VIPR2: variants seen among roughly 807,000 people sequenced by gnomAD.
The protein encoded by VIPR2 is vasoactive intestinal polypeptide receptor 2.
A neutral mutation model predicts 58.0 loss-of-function variants in VIPR2; 48 were observed. The ratio of observed to expected loss-of-function variants is 0.83; its 90% confidence interval spans 0.66 to 1.05. The LOEUF is 1.05. Ranked by LOEUF, VIPR2 falls within the 50% of genes least tolerant of loss-of-function variation. VIPR2 has a pLI of 0.00. For synonymous variants in VIPR2, 243 were observed against 235.2 expected, an observed-to-expected ratio of 1.03 and a Z score of -0.30; for missense variants, 534 against 558.0, an observed-to-expected ratio of 0.96 and a Z score of 0.43.
intron 10 of VIPR2, 114 bp downstream of exon 10, chr7:159,034,099 G>A: frequency 1.0e-6 from 1 of 977,774 alleles, no homozygotes; most frequent in Non-Finnish European, 1.6e-6. Context: ...CTCGAGGTGT[G>A]ACAGTGGCGG....
At chr7:159,055,603 C>T (rs774474918) in intron 5 of VIPR2, among the ~76,000 whole-genome samples, 1 of 152,042 alleles carries the variant, frequency 6.6e-6, no homozygotes, top group Non-Finnish European at 1.5e-5. Context: ...AGGCAAATGT[C>T]CCCCACCGGT....
At chr7:159,035,839 C>A in intron 8 of VIPR2, 113 bp downstream of exon 8, 1 of 1,462,558 alleles carries the variant, frequency 6.8e-7, no homozygotes, top group South Asian at 1.5e-5. Context: ...TGTCGGTTGG[C>A]CGCAAACGCT....
At chr7:159,038,177 C>T (rs551571385) in intron 6 of VIPR2, among the ~76,000 whole-genome samples, 1 of 152,164 alleles carries the variant, frequency 6.6e-6, no homozygotes, top group South Asian at 2.1e-4. Context: ...TGCAGGCTGT[C>T]CCTGGCCTCC....
At chr7:159,082,502 A>T (rs1274378744) in intron 4 of VIPR2, among the ~76,000 whole-genome samples, 1 of 152,210 alleles carries the variant, frequency 6.6e-6, no homozygotes, top group Non-Finnish European at 1.5e-5. Flanking sequence ...TAGCATTAGG[A>T]GATATACCAA....
chr7:159,093,665 A>G lies in VIPR2; in HGVS notation c.357+10092T>C, dbSNP rs2129495435. Among the ~76,000 whole-genome samples the G allele has an allele frequency of 6.6e-6, 1 of 151,020 alleles. No individual in the cohort carries two copies. The highest frequency in any genetic ancestry group is 3.5e-3 in the Middle Eastern group (1 of 284). On this transcript the variant is annotated intron_variant, in intron 4 of 12. Transcript: ENST00000262178. This position sits in a 1 kb window ranked among gnomAD's most constrained non-coding sequence, Gnocchi z 6.7. ...ACAGCGTCCCTGGGTCCAGACATGG[A>G]AGACCCCACAGCGTCCCTGGGTTCG...
intron 5 of VIPR2, among the ~76,000 whole-genome samples, chr7:159,046,771 C>T (rs1408292072): frequency 6.6e-6 from 1 of 152,014 alleles, no homozygotes; most frequent in Non-Finnish European, 1.5e-5. Context: ...AATTTCGATT[C>T]TTGCATAAAA....
intron 4 of VIPR2, among the ~76,000 whole-genome samples, chr7:159,058,906 A>C (rs1563281786): frequency 6.6e-6 from 1 of 152,230 alleles, no homozygotes; most frequent in Admixed American, 6.5e-5. Context: ...AAGAGAGCTC[A>C]GTCTGTCTCC....
chr7:159,030,666 G>A lies in VIPR2; in HGVS notation c.1267C>T (p.Arg423Cys), dbSNP rs754862872. Reference sequence around the variant, plus strand: ...AGGAAGGACTGGGCGCGGGAGCCGCGGTGGAACTGCAGGGCGCCCTCCGAG... The same window carrying A: ...AGGAAGGACTGGGCGCGGGAGCCGCAGTGGAACTGCAGGGCGCCCTCCGAG... Reference protein sequence around the residue: ...NGSEGALQFHRGSRAQSFLQT... With the variant: ...NGSEGALQFHCGSRAQSFLQT... Residue 423 changes from arginine to cysteine, a missense_variant, in exon 13 of 13, where the codon CGC (arginine) becomes TGC (cysteine). Around this residue, in one of 3 missense-constraint regions of VIPR2, gnomAD observed 306 missense variants for 285.8 expected, o/e 1.07. Transcript: ENST00000262178. The A allele has an allele frequency of 5.8e-6, 9 of 1,563,620 alleles. No homozygotes were observed. In the East Asian group the frequency reaches 9.5e-5, roughly 17 times the overall value.
intron 4 of VIPR2, among the ~76,000 whole-genome samples, chr7:159,080,733 A>C (rs551584321): frequency 6.6e-6 from 1 of 152,192 alleles, no homozygotes; most frequent in Non-Finnish European, 1.5e-5. Context: ...GTCTCAGCCC[A>C]AAATCTCCTT....
intron 4 of VIPR2, among the ~76,000 whole-genome samples, chr7:159,090,613 G>T (rs558080630): frequency 3.9e-5 from 5 of 128,938 alleles, no homozygotes; most frequent in Non-Finnish European, 4.8e-5. Context: ...AGACACGCTG[G>T]GACCACACAC....
At chr7:159,048,072 T>A (rs1159219762) in intron 5 of VIPR2, among the ~76,000 whole-genome samples, 3 of 152,196 alleles carry the variant, frequency 2.0e-5, no homozygotes, top group Non-Finnish European at 2.9e-5. Flanking sequence ...TTTTCTAACA[T>A]GAATAAATAT....
intron 2 of VIPR2, among the ~76,000 whole-genome samples, chr7:159,114,797 A>G (rs1418330302): frequency 2.3e-5 from 3 of 128,122 alleles, no homozygotes; most frequent in Non-Finnish European, 4.9e-5. Flanking sequence ...GAGGAAAGAA[A>G]GAATAGAAAG....
chr7:159,070,055 C>T (rs761073933), intron 4 of VIPR2, among the ~76,000 whole-genome samples: 1 of 152,174 alleles, frequency 6.6e-6, no homozygotes, highest in Admixed American at 6.5e-5. Flanking sequence ...CCGGTACCTC[C>T]AGGGCTGCCC....
chr7:159,142,362 G>T, intron 2 of VIPR2, 84 bp downstream of exon 2: 2 of 904,144 alleles, frequency 2.2e-6, no homozygotes, highest in Non-Finnish European at 1.7e-6. Flanking sequence ...AGATGCAGGT[G>T]GTGACCCTGA....
chr7:159,054,214 C>T (rs1855169102), intron 5 of VIPR2, among the ~76,000 whole-genome samples: 1 of 152,168 alleles, frequency 6.6e-6, no homozygotes, highest in Non-Finnish European at 1.5e-5. Flanking sequence ...AAATAACTCA[C>T]AGGTGGATTA....
In VIPR2 at chr7:159,037,435, G is replaced by A. The variant is rs1367415868; in HGVS notation, c.598-533C>T. ...GAACACGAGTGCAGGTAGAGGGCGC[G>A]GCACATGCCAGCTGCCCTCACTAGC... On this transcript the variant is annotated intron_variant, in intron 6 of 12. Transcript: ENST00000262178. Among the ~76,000 whole-genome samples, 3 of 152,240 alleles carry A rather than the reference G, an allele frequency of 2.0e-5. No homozygotes were observed. The East Asian group carries it at 5.8e-4, about 29-fold the overall frequency.
Position 159,141,096 on chromosome 7 carries a change from C to G in VIPR2, c.151+1350G>C, listed in dbSNP as rs146070492. Among the ~76,000 whole-genome samples the G allele has an allele frequency of 8.9e-4, 136 of 152,320 alleles. 3 individuals are homozygous for G. The East Asian group carries it at 0.022, about 24-fold the overall frequency. Reference sequence around the variant, plus strand: ...CCTGTCTCTCCTCAGGACTACCTTTCCTAACTCAGAACTTTCACTGGAAGA... The same window carrying G: ...CCTGTCTCTCCTCAGGACTACCTTTGCTAACTCAGAACTTTCACTGGAAGA... On this transcript the variant is annotated intron_variant, in intron 2 of 12. Transcript: ENST00000262178.
chr7:159,078,323 G>C (rs1450417833), intron 4 of VIPR2, among the ~76,000 whole-genome samples: 1 of 151,970 alleles, frequency 6.6e-6, no homozygotes, highest in Admixed American at 6.6e-5. Context: ...ACAAATACCT[G>C]ATTGCTCACA....
At chr7:159,131,618 T>G (rs995477384) in intron 2 of VIPR2, among the ~76,000 whole-genome samples, 9 of 152,236 alleles carry the variant, frequency 5.9e-5, no homozygotes, top group African/African-American at 1.9e-4. Flanking sequence ...TGAAGACCTC[T>G]TCAGAAAAGA....
Sources: allele counts gnomAD v4.1 joint callset (sites outside exome capture counted in the v4.1 genomes callset), GRCh38; gene constraint gnomAD v4.1.1; regional missense constraint gnomAD v4.1.1; non-coding constraint Gnocchi (gnomAD v3.1); transcripts MANE v1.5; gene names NCBI Gene and HGNC (gene_info 2026-07-23, HGNC 2026-07-21).